The following FAAP20 variants were observed in gnomAD, a reference collection of about 807,000 sequenced individuals.
FAAP20 encodes Fanconi anemia core complex-associated protein 20.
FAAP20 carries 12 observed loss-of-function variants against 16.2 expected under a neutral mutation model. That is an observed-to-expected ratio of 0.74 (90% CI 0.48 to 1.20). The LOEUF is 1.20. Among genes scored for constraint, FAAP20 ranks in the 50% most tolerant of loss-of-function variants. The pLI, the probability that FAAP20 is intolerant of heterozygous loss-of-function variation, is 0.00. For synonymous variants in FAAP20, 141 were observed against 110.7 expected (o/e 1.27, Z -1.72); for missense variants, 288 against 245.8 (o/e 1.17, Z -1.15).
downstream of FAAP20, chr1:2,184,873 G>C (rs1687335741): frequency 1.0e-5 from 16 of 1,528,398 alleles, no homozygotes; most frequent in South Asian, 3.4e-5. Flanking sequence ...TTCCCCCAAG[G>C]GAATGAACAC....
At chr1:2,184,585 G>A (rs749692865), downstream of FAAP20, 1 of 1,613,458 alleles carries the variant, frequency 6.2e-7, no homozygotes, top group South Asian at 1.1e-5. Flanking sequence ...TTTCCAAGCT[G>A]GAGAAGAAGC....
downstream of FAAP20, chr1:2,184,698 A>G (rs1445108003): frequency 6.2e-7 from 1 of 1,612,218 alleles, no homozygotes; most frequent in Non-Finnish European, 8.5e-7. Context: ...CCAGACGATG[A>G]GTGAGTCCCA....
chr1:2,200,497 G>T, upstream of FAAP20: 1 of 367,324 alleles, frequency 2.7e-6, no homozygotes, highest in Non-Finnish European at 3.8e-6. Context: ...AATGCCGGGG[G>T]CCCGGGGCTG....
downstream of FAAP20, chr1:2,186,000 C>T (rs1687541282): frequency 2.5e-6 from 1 of 406,536 alleles, no homozygotes; most frequent in African/African-American, 2.1e-5. Context: ...CTCCGTCCAC[C>T]CACCCCTCAG....
At chr1:2,193,551 G>T in intron 3 of FAAP20, 88 bp downstream of exon 3, 1 of 1,539,856 alleles carries the variant, frequency 6.5e-7, no homozygotes, top group Non-Finnish European at 8.7e-7. Flanking sequence ...AGCCAGCGCT[G>T]AGCTCGGCCA....
At chr1:2,204,907 AAGCCCCCCTCCCTCCCTTCG>A (rs1689183221) in intron 3 of FAAP20, among the ~76,000 whole-genome samples, 1 of 7,820 alleles carries the variant, frequency 1.3e-4, no homozygotes, top group East Asian at 5.4e-3. Flanking sequence ...CCCGCCCCTC[AAGCCCCCCTCCCTCCCTTCG>A]GGCCCCCCAT....
intron 3 of FAAP20, chr1:2,193,214 T>C (rs867846624): frequency 1.9e-5 from 6 of 314,106 alleles, no homozygotes; most frequent in South Asian, 1.8e-4. Context: ...AAAAAATACA[T>C]AAAAATATAC....
At chr1:2,209,525 G>A (rs927893356), downstream of FAAP20, among the ~76,000 whole-genome samples, 2 of 152,292 alleles carry the variant, frequency 1.3e-5, no homozygotes, top group Non-Finnish European at 2.9e-5. Context: ...CCCACCCAGC[G>A]CCCTCAGGGC....
At position 2,189,799 on chromosome 1, in the gene FAAP20, C is replaced by A. The variant is rs1687964760; in HGVS notation, c.471-18G>T. On this transcript the variant is annotated intron_variant, in intron 3 of 3. Transcript: ENST00000378546. Reference sequence around the variant, plus strand: ...GGGTCAGCCTGCAAGGGAGGGGCCACACTCACTCGGCCACCTCCGCGGCAT... The same window carrying A: ...GGGTCAGCCTGCAAGGGAGGGGCCAAACTCACTCGGCCACCTCCGCGGCAT... The A allele has an allele frequency of 6.3e-7, 1 of 1,598,362 alleles. No individual in the cohort carries two copies. Among genetic ancestry groups the A allele is most frequent in the Non-Finnish European group, 8.6e-7 (1 of 1,166,750 alleles).
At chr1:2,211,157 T>C (rs545334091), downstream of FAAP20, among the ~76,000 whole-genome samples, 8 of 151,984 alleles carry the variant, frequency 5.3e-5, no homozygotes, top group Admixed American at 1.3e-4. Context: ...TGTGGGCTCC[T>C]TGGGCCCCTG....
chr1:2,188,168 G>A (rs958716395), downstream of FAAP20, among the ~76,000 whole-genome samples: 11 of 152,164 alleles, frequency 7.2e-5, no homozygotes, highest in Admixed American at 6.5e-4. Flanking sequence ...AGCTGAGCCC[G>A]CAAAGCCCGG....
rs867057267 is a variant in FAAP20 at position 2,193,866 on chromosome 1, T to G, written c.243A>C (p.Gly81=). 6.2e-7 allele frequency: 1 copy of G among 1,612,324 alleles called. No homozygotes were observed. Residue 81 remains glycine, a synonymous_variant, in exon 3 of 4, where the codon GGA becomes GGC. Transcript: ENST00000378546. ...AGGGTGTCCAGGAAAAGGTCTTGGGTCCGACAGTGAAGACTTCAGTGGGCT... is the reference window on the plus strand; with the variant it reads ...AGGGTGTCCAGGAAAAGGTCTTGGGGCCGACAGTGAAGACTTCAGTGGGCT... ...GPEPTEVFTV[G]PKTFSWTPFP... is the part of the protein sequence containing the mutation.
upstream of FAAP20, chr1:2,199,145 C>G: frequency 8.5e-7 from 1 of 1,183,236 alleles, no homozygotes; most frequent in Non-Finnish European, 1.1e-6. The surrounding 1 kb of genome is among the most constrained non-coding windows in gnomAD (Gnocchi z 4.5). Flanking sequence ...AGACAGCGGT[C>G]CTGTTTCTGA....
At chr1:2,187,822 C>G (rs372553256), downstream of FAAP20, among the ~76,000 whole-genome samples, 2 of 152,168 alleles carry the variant, frequency 1.3e-5, no homozygotes, top group African/African-American at 2.4e-5. Context: ...CCGTCAGTCC[C>G]GTGGGTGTGG....
chr1:2,184,512 C>A (rs1231573434), downstream of FAAP20: 4 of 1,086,430 alleles, frequency 3.7e-6, no homozygotes, highest in Admixed American at 4.5e-5. Flanking sequence ...GATTGAAGTG[C>A]GTGCAAAACA....
At chr1:2,187,896 ACCT>A (rs1007312127), downstream of FAAP20, among the ~76,000 whole-genome samples, 41 of 151,808 alleles carry the variant, frequency 2.7e-4, no homozygotes, top group African/African-American at 9.7e-4. Context: ...TGCCCCGGAG[ACCT>A]CCTGTGCTCC....
intron 3 of FAAP20, 59 bp downstream of exon 3, chr1:2,193,580 G>T: frequency 6.4e-7 from 1 of 1,568,816 alleles, no homozygotes; most frequent in Non-Finnish European, 8.5e-7. Flanking sequence ...CCTTCTGAAC[G>T]GCTGTGGTTT....
At chr1:2,198,172 C>T (rs1182887113), upstream of FAAP20, 6 of 1,287,510 alleles carry the variant, frequency 4.7e-6, no homozygotes, top group Non-Finnish European at 6.1e-6. Flanking sequence ...CTGGTTGGGA[C>T]TGACACGTGC....
At chr1:2,188,253 C>T (rs951958512), downstream of FAAP20, among the ~76,000 whole-genome samples, 2 of 152,342 alleles carry the variant, frequency 1.3e-5, no homozygotes, top group East Asian at 1.9e-4. Flanking sequence ...GCTCCACTCA[C>T]ACTGTGAGCC....
Sources: gnomAD v4.1 joint callset for allele counts (sites outside exome capture counted in the v4.1 genomes callset) on GRCh38, gnomAD v4.1.1 for gene constraint, Gnocchi (gnomAD v3.1) non-coding constraint, MANE v1.5 for transcripts, NCBI Gene and HGNC (gene_info 2026-07-23, HGNC 2026-07-21) for gene names.